The following ATP2B2 variants were observed in gnomAD, a reference collection of about 807,000 sequenced individuals.
The protein encoded by ATP2B2 is ATPase plasma membrane Ca2+ transporting 2.
ATP2B2 carries 15 observed loss-of-function variants against 120.0 expected under a neutral mutation model. The observed-to-expected ratio is 0.12, with a 90% CI of 0.08 to 0.19. ATP2B2 has a LOEUF of 0.19. ATP2B2 is among the 10% of genes least tolerant of loss of function. The probability of loss-of-function intolerance (pLI) is 1.00; values close to 1 mark genes in which losing one functional copy is unlikely to be tolerated. For missense variants in ATP2B2, 1,045 were observed against 1,719.8 expected (o/e 0.61, Z 6.94); for synonymous variants, 694 against 700.3 (o/e 0.99, Z 0.14).
rs116865389 is a variant in ATP2B2 at position 10,446,490 on chromosome 3, A to C, written c.199+2855T>G. The stretch of plus-strand genomic sequence containing the variant: ...GCCCTGTGAGGTAGTCACTATTACT[A>C]TCCATGATTTACAGATGAAGAAACG... On this transcript the variant is annotated intron_variant, in intron 2 of 22. Coordinates refer to ENST00000360273, the MANE Select transcript of ATP2B2 (RefSeq NM_001001331.4). 2.1e-3 allele frequency among the ~76,000 whole-genome samples: 317 copies of C among 152,228 alleles called. 5 individuals are homozygous for C. In the South Asian group the frequency reaches 0.042, roughly 20 times the overall value.
intron 2 of ATP2B2, among the ~76,000 whole-genome samples, chr3:10,439,672 TTC>T (rs1178264861): frequency 6.6e-6 from 1 of 152,226 alleles, no homozygotes; most frequent in Non-Finnish European, 1.5e-5. Flanking sequence ...CAATTTTTTT[TTC>T]TTTTTTTCAA....
chr3:10,488,273 CCATG>C (rs1303057664), intron 1 of ATP2B2, among the ~76,000 whole-genome samples: 3 of 128,612 alleles, frequency 2.3e-5, no homozygotes, highest in African/African-American at 6.5e-5. Flanking sequence ...ATCCATCCAT[CCATG>C]CATGCATCCA....
At chr3:10,393,800 C>G (rs1034542851) in intron 5 of ATP2B2, among the ~76,000 whole-genome samples, 1 of 152,178 alleles carries the variant, frequency 6.6e-6, no homozygotes, top group African/African-American at 2.4e-5. Context: ...TCCTTGGTCT[C>G]TGACCTGGCA....
rs573158045 is a variant in ATP2B2 at position 10,340,071 on chromosome 3, C to T, written c.3237+171G>A. Among the ~76,000 whole-genome samples, 2 of 152,288 alleles carry T rather than the reference C, an allele frequency of 1.3e-5. No homozygotes were observed. Among genetic ancestry groups the T allele is most frequent in the Non-Finnish European group, 2.9e-5 (2 of 68,018 alleles). On this transcript the variant is annotated intron_variant, in intron 21 of 22. Coordinates refer to ENST00000360273, the MANE Select transcript of ATP2B2 (RefSeq NM_001001331.4). The surrounding 1 kb of genome is among the most constrained non-coding windows in gnomAD (Gnocchi z 5.0). ...AAGGCAAAAATCAGAGCAGTAGTAC[C>T]CAGACGACCAGTATAGGACCTGGGA...
intron 12 of ATP2B2, among the ~76,000 whole-genome samples, chr3:10,366,893 C>A (rs1030465353): frequency 6.6e-6 from 1 of 152,210 alleles, no homozygotes; most frequent in Non-Finnish European, 1.5e-5. Context: ...AGATGATTCA[C>A]ACAGCTTCCC....
At chr3:10,461,647 G>A (rs1038124285) in intron 1 of ATP2B2, among the ~76,000 whole-genome samples, 33 of 152,120 alleles carry the variant, frequency 2.2e-4, no homozygotes, top group African/African-American at 6.5e-4. Flanking sequence ...ATGAATGAGC[G>A]GATGGTGGGG....
intron 1 of ATP2B2, among the ~76,000 whole-genome samples, chr3:10,486,330 T>TGCGTGTGTGTGTGC (rs138585062): frequency 1.3e-5 from 2 of 149,020 alleles, no homozygotes; most frequent in East Asian, 2.0e-4. Flanking sequence ...CGTGCGTGTG[T>TGCGTGTGTGTGTGC]GTGTGTGTGT....
At chr3:10,554,994 A>T (rs2067748042) in intron 2 of ATP2B2, among the ~76,000 whole-genome samples, 1 of 152,126 alleles carries the variant, frequency 6.6e-6, no homozygotes, top group South Asian at 2.1e-4. Flanking sequence ...CCCCAAACCT[A>T]TCCCCTCTGA....
rs547860675 is a variant in ATP2B2, at chr3:10,457,840, C to G, written c.-319-7978G>C. ...AAATCCCAAAGAAACCGCCTTGCAT[C>G]AGCCTTGAAGGCACAGGTGGCAGAC... On this transcript the variant is annotated intron_variant, in intron 1 of 22. Transcript: ENST00000360273. Among the ~76,000 whole-genome samples the G allele has an allele frequency of 2.7e-4, 41 of 152,252 alleles. 1 individual carries two copies. In the South Asian group the frequency reaches 8.3e-3, roughly 31 times the overall value.
chr3:10,434,367 CA>C (rs1357523276), intron 2 of ATP2B2, among the ~76,000 whole-genome samples: 3 of 152,192 alleles, frequency 2.0e-5, no homozygotes, highest in Non-Finnish European at 4.4e-5. Flanking sequence ...ATGGCTGGAT[CA>C]TACCAGGCCT....
intron 1 of ATP2B2, among the ~76,000 whole-genome samples, chr3:10,629,380 TA>T (rs372532056): frequency 6.6e-6 from 1 of 151,982 alleles, no homozygotes; most frequent in African/African-American, 2.4e-5. Flanking sequence ...ATTATCTGGG[TA>T]AATACATTTT....
intron 18 of ATP2B2, 35 bp downstream of exon 18, chr3:10,345,348 TC>T (rs751924179): frequency 1.9e-6 from 3 of 1,609,792 alleles, no homozygotes; most frequent in African/African-American, 2.7e-5. Context: ...GTCTCCGCCC[TC>T]CCCCAGGCTT....
chr3:10,518,821 C>T (rs79171752), intron 3 of ATP2B2, among the ~76,000 whole-genome samples: 4,319 of 152,260 alleles, frequency 0.028, 135 homozygotes, highest in East Asian at 0.15. Context: ...TCCCCTCTGT[C>T]GGGGACAGGT....
intron 1 of ATP2B2, among the ~76,000 whole-genome samples, chr3:10,622,195 C>A (rs1232301637): frequency 6.6e-6 from 1 of 152,192 alleles, no homozygotes; most frequent in Non-Finnish European, 1.5e-5. Flanking sequence ...GTAGTGTCAT[C>A]CTAGAGCTGT....
chr3:10,341,958 A>C (rs1261574073), intron 19 of ATP2B2, among the ~76,000 whole-genome samples: 1 of 152,242 alleles, frequency 6.6e-6, no homozygotes, highest in Admixed American at 6.5e-5. Context: ...TTTGAGGACA[A>C]GTGAAAGGCC....
At chr3:10,657,061 GT>G (rs1439543924) in intron 1 of ATP2B2, among the ~76,000 whole-genome samples, 3 of 152,198 alleles carry the variant, frequency 2.0e-5, no homozygotes, top group African/African-American at 4.8e-5. Flanking sequence ...TTGCTTGTTT[GT>G]TTTTGTTTTT....
In ATP2B2 at chr3:10,326,004, T is replaced by A. The variant is rs761324383; in HGVS notation, c.*2810A>T. On this transcript the variant is annotated 3_prime_UTR_variant, in exon 23 of 23. Coordinates refer to ENST00000360273, the MANE Select transcript of ATP2B2 (RefSeq NM_001001331.4). ...CTTTTTTTTTTAAACCACAAACATT[T>A]CAGAACCACACTGCACGAGTCAGAA... 1.3e-5 allele frequency: 2 copies of A among 152,158 alleles called. No individual in the cohort carries two copies. The highest frequency in any genetic ancestry group is 2.9e-5 in the Non-Finnish European group (2 of 67,988). 9.4% of individuals were successfully genotyped at this position (152,158 alleles called of 1,614,324 possible). A position where few individuals can be genotyped will look rare whatever the true frequency, so the allele number is the denominator to read the frequency against.
intron 2 of ATP2B2, among the ~76,000 whole-genome samples, chr3:10,613,707 C>A (rs1000516907): frequency 4.6e-5 from 7 of 152,132 alleles, no homozygotes; most frequent in African/African-American, 1.7e-4. Context: ...ATCTCTTACC[C>A]GGATAATGGT....
chr3:10,378,212 CT>C, intron 10 of ATP2B2, 39 bp downstream of exon 10: 1 of 1,595,142 alleles, frequency 6.3e-7, no homozygotes, highest in Non-Finnish European at 8.5e-7. Flanking sequence ...TGGGGTCCCC[CT>C]GTGAGCCCTG....
Sources: allele counts gnomAD v4.1 joint callset (sites outside exome capture counted in the v4.1 genomes callset), GRCh38; gene constraint gnomAD v4.1.1; non-coding constraint Gnocchi (gnomAD v3.1); transcripts MANE v1.5; gene names NCBI Gene and HGNC (gene_info 2026-07-23, HGNC 2026-07-21).